Variants in CEP112 observed in about 807,000 individuals in gnomAD.
CEP112 encodes the protein centrosomal protein of 112 kDa.
Under a neutral mutation model 153.0 loss-of-function variants are expected in CEP112, and 127 were observed. The ratio of observed to expected loss-of-function variants is 0.83; its 90% CI spans 0.72 to 0.96. CEP112 has a LOEUF of 0.96. Ranked by LOEUF, CEP112 falls within the 40% of genes least tolerant of loss-of-function variation. The pLI is 0.00. For missense variants in CEP112, 1,089 were observed against 1,101.2 expected (o/e 0.99, Z 0.16); for synonymous variants, 358 against 374.4 (o/e 0.96, Z 0.51).
intron 18 of CEP112, among the ~76,000 whole-genome samples, chr17:65,942,548 G>T (rs960416010): frequency 6.6e-6 from 1 of 152,180 alleles, no homozygotes; most frequent in Non-Finnish European, 1.5e-5. Flanking sequence ...AAGGGTAAAG[G>T]GTGAAGGGTA....
At chr17:65,777,149 TG>T (rs1386698555) in intron 21 of CEP112, among the ~76,000 whole-genome samples, 1 of 152,200 alleles carries the variant, frequency 6.6e-6, no homozygotes, top group Non-Finnish European at 1.5e-5. Flanking sequence ...AACTTCCTTT[TG>T]AGGCGCCATG....
At chr17:66,159,889 T>C (rs755391936) in intron 4 of CEP112, among the ~76,000 whole-genome samples, 1 of 152,036 alleles carries the variant, frequency 6.6e-6, no homozygotes, top group Non-Finnish European at 1.5e-5. Flanking sequence ...GGTATTCAAA[T>C]AGGAAGAGAG....
At chr17:65,905,954 AAAG>A (rs1366853376) in intron 19 of CEP112, among the ~76,000 whole-genome samples, 2 of 152,012 alleles carry the variant, frequency 1.3e-5, no homozygotes, top group East Asian at 3.9e-4. Flanking sequence ...CAAAAAAAAA[AAAG>A]AAGACACATG....
chr17:65,787,715 A>G (rs1260217106), intron 21 of CEP112, among the ~76,000 whole-genome samples: 1 of 152,216 alleles, frequency 6.6e-6, no homozygotes, highest in Non-Finnish European at 1.5e-5. Flanking sequence ...TTGCTGTGTT[A>G]GCAGAATCAT....
chr17:65,968,286 T>C (rs140208366), intron 17 of CEP112, among the ~76,000 whole-genome samples: 148 of 152,232 alleles, frequency 9.7e-4, no homozygotes, highest in African/African-American at 2.7e-3. Context: ...TCTGAAATAT[T>C]TATTTCCTTC....
chr17:65,644,268 G>A, intron 24 of CEP112: 1 of 590,148 alleles, frequency 1.7e-6, no homozygotes, highest in Non-Finnish European at 3.0e-6. Flanking sequence ...TGTTTAGAAT[G>A]TCTATCTGTT....
At chr17:65,955,638 C>T (rs769544547) in intron 18 of CEP112, among the ~76,000 whole-genome samples, 20 of 152,002 alleles carry the variant, frequency 1.3e-4, no homozygotes, top group Admixed American at 3.3e-4. Context: ...CATAAACTTA[C>T]AGTAAAGGGG....
chr17:65,884,714 T>A, intron 20 of CEP112, among the ~76,000 whole-genome samples: 1 of 149,906 alleles, frequency 6.7e-6, no homozygotes, highest in East Asian at 1.9e-4. Context: ...TTCTTTTTTT[T>A]TTTTCTTTTT....
chr17:66,180,001 T>C (rs1179421972), intron 2 of CEP112, among the ~76,000 whole-genome samples: 2 of 152,188 alleles, frequency 1.3e-5, no homozygotes, highest in African/African-American at 4.8e-5. Context: ...TTGATTTGCA[T>C]CTGTTGAACC....
chr17:65,821,924 A>G (rs2056607918), intron 21 of CEP112, among the ~76,000 whole-genome samples: 1 of 152,112 alleles, frequency 6.6e-6, no homozygotes, highest in Non-Finnish European at 1.5e-5. Flanking sequence ...CAATGCTCTA[A>G]AAAGCTTTTT....
At position 66,129,791 on chromosome 17, in the gene CEP112, C is replaced by T. The variant is rs561332006; in HGVS notation, c.597G>A (p.Leu199=). The T allele has an allele frequency of 1.5e-5, 24 of 1,611,102 alleles. No homozygotes were observed. In the South Asian group the frequency reaches 2.3e-4, roughly 16 times the overall value. The part of the protein sequence containing the change: ...EVYSKKSPVS[L]DDSDIEARLN... ...GGCGAGCTTCAATGTCACTATCATC[C>T]AAAGAAACAGGAGATTTTTTCGAAT... is the stretch of plus-strand genomic sequence containing the variant. The change falls in exon 6 of 27, where the codon TTG becomes TTA. Residue 199 remains leucine (L), a synonymous_variant. Coordinates refer to ENST00000535342, the MANE Select transcript of CEP112 (RefSeq NM_001199165.4).
chr17:65,686,782 G>T (rs1191881446), intron 24 of CEP112, among the ~76,000 whole-genome samples: 3 of 152,064 alleles, frequency 2.0e-5, no homozygotes, highest in Non-Finnish European at 2.9e-5. Context: ...AATGGCATTT[G>T]CTCCTCTACC....
intron 23 of CEP112, among the ~76,000 whole-genome samples, chr17:65,719,615 A>G (rs2049752581): frequency 6.6e-6 from 1 of 152,076 alleles, no homozygotes; most frequent in Non-Finnish European, 1.5e-5. Context: ...CCAGTCCTAG[A>G]GGCTGGAATG....
In CEP112 at chr17:65,930,449, T is replaced by C. The variant is rs1397434349; in HGVS notation, c.1873-2760A>G. Among the ~76,000 whole-genome samples, 4 of 152,188 alleles carry C rather than the reference T, an allele frequency of 2.6e-5. No individual in the cohort carries two copies. In the South Asian group the frequency reaches 6.2e-4, roughly 24 times the overall value. On this transcript the variant is annotated intron_variant, in intron 18 of 26. Coordinates refer to ENST00000535342, the MANE Select transcript of CEP112 (RefSeq NM_001199165.4). ...CACATTCCAGTTTCTGGTTCTTACA[T>C]TGAAGTTTGAATGCCCTCTAGATTA... is the stretch of plus-strand genomic sequence containing the variant.
At chr17:66,019,760 T>C (rs1190864071) in intron 16 of CEP112, among the ~76,000 whole-genome samples, 1 of 152,184 alleles carries the variant, frequency 6.6e-6, no homozygotes, top group African/African-American at 2.4e-5. Context: ...TGACACCTAA[T>C]AAAAAGGATT....
chr17:65,950,490 T>G (rs914825378), intron 18 of CEP112, among the ~76,000 whole-genome samples: 1 of 152,126 alleles, frequency 6.6e-6, no homozygotes, highest in African/African-American at 2.4e-5. Flanking sequence ...TTCGACGTTA[T>G]TATGAATTAA....
intron 1 of CEP112, among the ~76,000 whole-genome samples, chr17:66,190,643 G>C (rs980478678): frequency 6.6e-6 from 1 of 152,150 alleles, no homozygotes; most frequent in Non-Finnish European, 1.5e-5. Context: ...AGGTAAAAAA[G>C]AAGTAAATTG....
At chr17:65,875,157 T>C (rs1406347180) in intron 20 of CEP112, among the ~76,000 whole-genome samples, 5 of 152,104 alleles carry the variant, frequency 3.3e-5, no homozygotes, top group African/African-American at 1.2e-4. Flanking sequence ...TCCAAATTTC[T>C]CTGAAAAAAA....
At chr17:65,914,674 A>G (rs756668515) in intron 19 of CEP112, among the ~76,000 whole-genome samples, 27 of 152,238 alleles carry the variant, frequency 1.8e-4, no homozygotes, top group Non-Finnish European at 3.5e-4. Flanking sequence ...TGCTCTTGAA[A>G]TTATCCCATC....
Sources: allele counts gnomAD v4.1 joint callset (sites outside exome capture counted in the v4.1 genomes callset), GRCh38; gene constraint gnomAD v4.1.1; transcripts MANE v1.5; gene names NCBI Gene and HGNC (gene_info 2026-07-23, HGNC 2026-07-21).